The following UGT1A10 variants were observed in gnomAD, a reference collection of about 807,000 sequenced individuals.
UGT1A10 encodes the protein UDP glucuronosyltransferase family 1 member A10.
UGT1A10 carries 49 observed loss-of-function variants against 45.8 expected under a neutral mutation model. The observed-to-expected ratio is 1.07, with a 90% CI of 0.85 to 1.36. The LOEUF (loss-of-function observed/expected upper bound fraction) is 1.36. Among genes scored for constraint, UGT1A10 ranks in the 40% most tolerant of loss-of-function variants. The pLI is 0.00. For synonymous variants in UGT1A10, 284 were observed against 249.7 expected (o/e 1.14, Z -1.29); for missense variants, 745 against 668.6 (o/e 1.11, Z -1.26).
chr2:233,680,912 T>C (rs889091819), intron 1 of UGT1A10, among the ~76,000 whole-genome samples: 5 of 151,992 alleles, frequency 3.3e-5, no homozygotes, highest in African/African-American at 1.2e-4. Flanking sequence ...ACAATGTATC[T>C]GAGGAAAGCC....
chr2:233,728,265 C>G (rs1230027648), intron 1 of UGT1A10, among the ~76,000 whole-genome samples: 1 of 152,182 alleles, frequency 6.6e-6, no homozygotes, highest in Admixed American at 6.5e-5. Context: ...GAAATAAAGA[C>G]TGGAGCCTTC....
At chr2:233,713,213 T>C (rs2076292888) in intron 1 of UGT1A10, 1 of 1,614,164 alleles carries the variant, frequency 6.2e-7, no homozygotes, top group Non-Finnish European at 8.5e-7. Context: ...AAGAGAACTT[T>C]TTCACCCTGA....
intron 1 of UGT1A10, chr2:233,672,774 A>G (rs2074241218): frequency 1.2e-6 from 2 of 1,613,672 alleles, no homozygotes; most frequent in Non-Finnish European, 1.7e-6. Flanking sequence ...GCCATCAGGG[A>G]AAGCCGTTGC....
intron 1 of UGT1A10, among the ~76,000 whole-genome samples, chr2:233,638,930 C>T (rs2073375837): frequency 6.6e-6 from 1 of 152,198 alleles, no homozygotes; most frequent in Non-Finnish European, 1.5e-5. Flanking sequence ...AGAGGTTGGA[C>T]TTATCAAAGC....
At position 233,682,247 on chromosome 2, in the gene UGT1A10, A is replaced by G. The variant is rs758971346; in HGVS notation, c.855+44870A>G. 7.4e-6 allele frequency: 12 copies of G among 1,614,096 alleles called. No individual in the cohort carries two copies. The African/African-American group carries it at 1.5e-4, about 20-fold the overall frequency. Reference sequence around the variant, plus strand: ...TGCTCGCTGGACGGCACCATTGCGAAGTGCATTTTCTCTATTAACAAGTTC... The same window carrying G: ...TGCTCGCTGGACGGCACCATTGCGAGGTGCATTTTCTCTATTAACAAGTTC... On this transcript the variant is annotated intron_variant, in intron 1 of 4. Coordinates refer to ENST00000344644, the MANE Select transcript of UGT1A10 (RefSeq NM_019075.4).
intron 1 of UGT1A10, chr2:233,682,017 A>G (rs949229127): frequency 6.2e-7 from 1 of 1,614,130 alleles, no homozygotes; most frequent in Non-Finnish European, 8.5e-7. Flanking sequence ...AAGGCAGGGA[A>G]GCTGCTGGTA....
At chr2:233,712,531 C>G (rs1471735074) in intron 1 of UGT1A10, among the ~76,000 whole-genome samples, 1 of 152,178 alleles carries the variant, frequency 6.6e-6, no homozygotes, top group Non-Finnish European at 1.5e-5. Flanking sequence ...CTGTGTTACC[C>G]ATATGTGGGA....
chr2:233,747,509 G>A (rs1693700205), intron 1 of UGT1A10: 24 of 1,607,862 alleles, frequency 1.5e-5, no homozygotes, highest in Non-Finnish European at 1.9e-5. Flanking sequence ...ACACTCAACT[G>A]TACTTTGAAA....
intron 4 of UGT1A10, 140 bp downstream of exon 4, chr2:233,768,579 CTTCTT>C (rs1699651499): frequency 9.6e-6 from 9 of 934,870 alleles, no homozygotes; most frequent in Non-Finnish European, 1.1e-5. Flanking sequence ...ATTTTTATTT[CTTCTT>C]TTTTTTTTTT....
intron 1 of UGT1A10, chr2:233,741,470 G>C (rs1212824071): frequency 1.3e-5 from 2 of 150,616 alleles, no homozygotes; most frequent in East Asian, 3.8e-4. Context: ...ACACATGTAA[G>C]TTCCCTCGTC....
intron 1 of UGT1A10, chr2:233,755,367 G>A: frequency 2.8e-6 from 1 of 362,114 alleles, no homozygotes; most frequent in Non-Finnish European, 5.3e-6. Context: ...TGGGCCGCCT[G>A]GAGGGCCGCC....
intron 1 of UGT1A10, chr2:233,691,283 C>A: frequency 1.0e-6 from 1 of 985,546 alleles, no homozygotes; most frequent in Non-Finnish European, 1.2e-6. Flanking sequence ...TGACTTTGAT[C>A]ATTGTAAGCT....
At chr2:233,738,344 C>T (rs187057968) in intron 1 of UGT1A10, among the ~76,000 whole-genome samples, 43 of 152,222 alleles carry the variant, frequency 2.8e-4, no homozygotes, top group African/African-American at 1.0e-3. Flanking sequence ...AAATTGGTGT[C>T]ATGGAGAGTG....
intron 1 of UGT1A10, among the ~76,000 whole-genome samples, chr2:233,739,955 T>C (rs2125826386): frequency 6.6e-6 from 1 of 152,058 alleles, no homozygotes; most frequent in South Asian, 2.1e-4. Flanking sequence ...TGGTGGGAGC[T>C]GATTGAATCA....
chr2:233,640,995 C>G (rs1283881605), intron 1 of UGT1A10, among the ~76,000 whole-genome samples: 1 of 152,122 alleles, frequency 6.6e-6, no homozygotes, highest in Non-Finnish European at 1.5e-5. Context: ...ATAACATAAT[C>G]TTCCTGCACC....
intron 1 of UGT1A10, among the ~76,000 whole-genome samples, chr2:233,687,027 ATGTAGTGTT>A (rs2074817736): frequency 6.6e-6 from 1 of 152,202 alleles, no homozygotes; most frequent in African/African-American, 2.4e-5. Flanking sequence ...AGGTGGTTCA[ATGTAGTGTT>A]TGAGCACGCG....
chr2:233,661,499 C>A (rs1410021937), intron 1 of UGT1A10, among the ~76,000 whole-genome samples: 1 of 152,130 alleles, frequency 6.6e-6, no homozygotes, highest in African/African-American at 2.4e-5. Flanking sequence ...ATCCTTCTTT[C>A]TACCTTGGCA....
At chr2:233,750,699 C>T (rs1694542281) in intron 1 of UGT1A10, 1 of 151,888 alleles carries the variant, frequency 6.6e-6, no homozygotes, top group South Asian at 2.1e-4. Context: ...TAAAAGAGGC[C>T]AAGGTAGAGC....
rs1297959872 is a variant in UGT1A10 at position 233,724,603 on chromosome 2, C to T, written c.856-42431C>T. ...CGCTCCCCACATCTCAGACGATGGG[C>T]GGCCGGGCAGAGACGCTCCTCACTT... On this transcript the variant is annotated intron_variant, in intron 1 of 4. Transcript: ENST00000344644. Among the ~76,000 whole-genome samples the T allele has an allele frequency of 1.4e-4, 18 of 132,966 alleles. 2 individuals are homozygous for T. In the South Asian group the frequency reaches 1.5e-3, roughly 11 times the overall value. The allele number at this position is 132,966 out of a possible 152,430, so 87.2% of individuals were successfully genotyped here.
Sources: gnomAD v4.1 joint callset for allele counts (sites outside exome capture counted in the v4.1 genomes callset) on GRCh38, gnomAD v4.1.1 for gene constraint, MANE v1.5 for transcripts, NCBI Gene and HGNC (gene_info 2026-07-23, HGNC 2026-07-21) for gene names.